The following EPHA3 variants were observed in gnomAD, a reference collection of about 807,000 sequenced individuals.
EPHA3 encodes ephrin type-A receptor 3.
EPHA3 carries 42 observed loss-of-function variants against 107.1 expected under a neutral mutation model. The observed-to-expected ratio is 0.39, with a 90% CI of 0.31 to 0.51. The LOEUF (loss-of-function observed/expected upper bound fraction) is 0.51. Among genes scored for constraint, EPHA3 ranks in the 20% least tolerant of loss-of-function variants. The pLI is 0.78. For missense variants in EPHA3, 1,183 were observed against 1,211.2 expected, an observed-to-expected ratio of 0.98 and a Z score of 0.35; for synonymous variants, 461 against 424.8, an observed-to-expected ratio of 1.09 and a Z score of -1.05.
rs189355304 is a variant in EPHA3, at chr3:89,306,847, G to A, written c.815-34069G>A. ...GAAGTGGATACTTGCCAACTATGAA[G>A]TTGGTCCTTCGAATTGGATATAATT... On this transcript the variant is annotated intron_variant, in intron 3 of 16. Coordinates refer to ENST00000336596, the MANE Select transcript of EPHA3 (RefSeq NM_005233.6). Among the ~76,000 whole-genome samples the A allele has an allele frequency of 1.8e-4, 27 of 152,282 alleles. No homozygotes were observed. In the East Asian group the frequency reaches 2.7e-3, roughly 15 times the overall value.
intron 5 of EPHA3, among the ~76,000 whole-genome samples, chr3:89,344,124 T>A (rs778101947): frequency 7.9e-5 from 12 of 152,210 alleles, no homozygotes; most frequent in Non-Finnish European, 1.5e-4. Context: ...TACAATTATC[T>A]CTTAAGTCAA....
chr3:89,228,373 A>G lies in EPHA3; in HGVS notation c.814+17853A>G, dbSNP rs142805320. Among the ~76,000 whole-genome samples, 18 of 152,090 alleles carry G rather than the reference A, an allele frequency of 1.2e-4. No individual in the cohort carries two copies. The East Asian group carries it at 3.5e-3, about 29-fold the overall frequency. ...CCTGCCAGCACAGTTATAAAGGATT[A>G]ATTTCCTGGTATTCACATACAGGGC... On this transcript the variant is annotated intron_variant, in intron 3 of 16. Transcript: ENST00000336596.
At chr3:89,231,312 T>A (rs1704629361) in intron 3 of EPHA3, among the ~76,000 whole-genome samples, 1 of 152,034 alleles carries the variant, frequency 6.6e-6, no homozygotes, top group South Asian at 2.1e-4. Context: ...TGTTATATTA[T>A]CTAGTGCTTT....
At chr3:89,262,963 CTTT>C (rs532365863) in intron 3 of EPHA3, among the ~76,000 whole-genome samples, 11 of 97,472 alleles carry the variant, frequency 1.1e-4, no homozygotes, top group African/African-American at 1.5e-4. Context: ...TTACAGCGCT[CTTT>C]TTTTTTTTTT....
intron 5 of EPHA3, among the ~76,000 whole-genome samples, chr3:89,393,790 T>TTAAA (rs1553689556): frequency 6.3e-5 from 9 of 143,868 alleles, no homozygotes; most frequent in African/African-American, 2.2e-4. Context: ...AATTTTTTTT[T>TTAAA]AAAAAATCCA....
At chr3:89,456,627 C>T (rs1157023186) in intron 15 of EPHA3, among the ~76,000 whole-genome samples, 3 of 152,066 alleles carry the variant, frequency 2.0e-5, no homozygotes, top group Non-Finnish European at 2.9e-5. Context: ...CCATGAATAT[C>T]GTCACTGGAA....
chr3:89,210,629 G>A (rs1428936169), intron 3 of EPHA3, 109 bp downstream of exon 3: 13 of 1,148,676 alleles, frequency 1.1e-5, no homozygotes, highest in South Asian at 1.0e-4. Context: ...AGGAAAACAT[G>A]CCTCAAACTG....
At chr3:89,446,675 G>A (rs1033519083) in intron 13 of EPHA3, among the ~76,000 whole-genome samples, 2 of 151,440 alleles carry the variant, frequency 1.3e-5, no homozygotes, top group African/African-American at 4.9e-5. Flanking sequence ...AAAGTTTTCA[G>A]CATAGAAAGG....
At chr3:89,371,041 T>C (rs1448711839) in intron 5 of EPHA3, among the ~76,000 whole-genome samples, 1 of 151,770 alleles carries the variant, frequency 6.6e-6, no homozygotes, top group Non-Finnish European at 1.5e-5. Context: ...TTTTATTATA[T>C]CTGCTCTTAA....
At chr3:89,130,268 G>T (rs529030003) in intron 2 of EPHA3, among the ~76,000 whole-genome samples, 2 of 152,164 alleles carry the variant, frequency 1.3e-5, no homozygotes, top group Admixed American at 6.5e-5. Flanking sequence ...CTTACTTAGG[G>T]GATTAATAAT....
chr3:89,280,287 A>T (rs1705909667), intron 3 of EPHA3, among the ~76,000 whole-genome samples: 1 of 152,160 alleles, frequency 6.6e-6, no homozygotes, highest in African/African-American at 2.4e-5. Context: ...GGATTCAAGA[A>T]GTGAGTAGGT....
chr3:89,437,969 A>C (rs1381495206), intron 13 of EPHA3, among the ~76,000 whole-genome samples: 1 of 152,132 alleles, frequency 6.6e-6, no homozygotes, highest in Admixed American at 6.5e-5. Context: ...CTTAGTAAGT[A>C]CTAACTAGAT....
intron 11 of EPHA3, among the ~76,000 whole-genome samples, chr3:89,424,426 C>T (rs1197474177): frequency 2.0e-5 from 3 of 151,312 alleles, no homozygotes; most frequent in Admixed American, 1.3e-4. Flanking sequence ...ACAAATGTCA[C>T]ATTTAATAGT....
At chr3:89,338,576 TC>T (rs1472629971) in intron 3 of EPHA3, among the ~76,000 whole-genome samples, 1 of 152,192 alleles carries the variant, frequency 6.6e-6, no homozygotes, top group African/African-American at 2.4e-5. Flanking sequence ...TGAGACGGAG[TC>T]TCGCTCTGTC....
intron 2 of EPHA3, among the ~76,000 whole-genome samples, chr3:89,168,527 T>G (rs974031051): frequency 6.6e-6 from 1 of 152,098 alleles, no homozygotes; most frequent in African/African-American, 2.4e-5. Context: ...TGTTAAGAGT[T>G]TAAACTATGA....
rs75208093 is a variant in EPHA3, at chr3:89,179,102, C to A, written c.154-30758C>A. On this transcript the variant is annotated intron_variant, in intron 2 of 16. Coordinates refer to ENST00000336596, the MANE Select transcript of EPHA3 (RefSeq NM_005233.6). ...AATAATTTCTTTATACCTAATGAAC[C>A]ATTTGAGTAGTGTTATTTGTGTTTC... 2.3e-3 allele frequency among the ~76,000 whole-genome samples: 347 copies of A among 151,670 alleles called. 2 individuals are homozygous for A. Among genetic ancestry groups the A allele is most frequent in the South Asian group, 0.016 (78 of 4,804 alleles).
At chr3:89,233,267 T>G (rs1704679819) in intron 3 of EPHA3, among the ~76,000 whole-genome samples, 1 of 152,162 alleles carries the variant, frequency 6.6e-6, no homozygotes, top group Admixed American at 6.5e-5. Flanking sequence ...GCCTTGTTCA[T>G]GGGTAACTAT....
At chr3:89,286,118 A>ACG (rs2107321561) in intron 3 of EPHA3, among the ~76,000 whole-genome samples, 1 of 99,762 alleles carries the variant, frequency 1.0e-5, no homozygotes, top group South Asian at 3.6e-4. Flanking sequence ...ATCAATTTCT[A>ACG]CGTGTGTGTG....
intron 5 of EPHA3, among the ~76,000 whole-genome samples, chr3:89,349,622 A>T (rs1430192605): frequency 1.4e-5 from 2 of 138,290 alleles, no homozygotes; most frequent in African/African-American, 5.5e-5. Flanking sequence ...TTACATTTAA[A>T]GTTAATATTG....
Sources: gnomAD v4.1 joint callset for allele counts (sites outside exome capture counted in the v4.1 genomes callset) on GRCh38, gnomAD v4.1.1 for gene constraint, MANE v1.5 for transcripts, NCBI Gene and HGNC (gene_info 2026-07-23, HGNC 2026-07-21) for gene names.